ROBO1: variants seen among roughly 807,000 people sequenced by gnomAD.
ROBO1 encodes the protein roundabout guidance receptor 1.
ROBO1 carries 149 observed loss-of-function variants against 195.9 expected under a neutral mutation model. The ratio of observed to expected loss-of-function variants is 0.76; its 90% CI spans 0.67 to 0.87. The LOEUF is 0.87. ROBO1 is among the 40% of genes least tolerant of loss of function. The probability of loss-of-function intolerance (pLI) is 0.00; values close to 1 mark genes in which losing one functional copy is unlikely to be tolerated. For missense variants in ROBO1, 1,933 were observed against 2,068.3 expected, an observed-to-expected ratio of 0.93 and a Z score of 1.27; for synonymous variants, 816 against 733.2, an observed-to-expected ratio of 1.11 and a Z score of -1.82.
intron 21 of ROBO1, among the ~76,000 whole-genome samples, chr3:78,644,051 C>A (rs574245485): frequency 1.1e-3 from 165 of 152,080 alleles, no homozygotes; most frequent in African/African-American, 3.9e-3. Context: ...GCTTAAGGGG[C>A]AGACACAAGA....
intron 1 of ROBO1, among the ~76,000 whole-genome samples, chr3:79,644,460 T>G (rs993505481): frequency 6.6e-6 from 1 of 152,176 alleles, no homozygotes; most frequent in South Asian, 2.1e-4. Context: ...CTCACAATGA[T>G]GGCAGAAGGC....
At chr3:79,735,111 T>G (rs1005100715) in intron 1 of ROBO1, among the ~76,000 whole-genome samples, 3 of 152,240 alleles carry the variant, frequency 2.0e-5, no homozygotes, top group African/African-American at 7.2e-5. Flanking sequence ...GGCGGATGGA[T>G]CCATACCTTC....
At chr3:79,381,325 C>T (rs369473663) in intron 2 of ROBO1, among the ~76,000 whole-genome samples, 53 of 138,010 alleles carry the variant, frequency 3.8e-4, no homozygotes, top group African/African-American at 4.1e-4. Flanking sequence ...CCATTGCACT[C>T]CAGCCTGGAG....
At chr3:78,601,493 T>C (rs1417509113) in intron 29 of ROBO1, among the ~76,000 whole-genome samples, 1 of 152,184 alleles carries the variant, frequency 6.6e-6, no homozygotes, top group Admixed American at 6.5e-5. Context: ...CAGCTTCTCT[T>C]CATAACACTT....
At chr3:78,835,295 T>C (rs2032607788) in intron 4 of ROBO1, among the ~76,000 whole-genome samples, 1 of 152,124 alleles carries the variant, frequency 6.6e-6, no homozygotes, top group Non-Finnish European at 1.5e-5. Flanking sequence ...GGGCAATCAG[T>C]AGAAAAGTAA....
intron 1 of ROBO1, among the ~76,000 whole-genome samples, chr3:79,612,940 G>T (rs113218602): frequency 0.17 from 1,885 of 11,256 alleles, 36 homozygotes; most frequent in African/African-American, 0.34. Flanking sequence ...TCATCAAGGG[G>T]ATCAAAAATT....
At chr3:79,158,525 G>GAA (rs915280796) in intron 2 of ROBO1, among the ~76,000 whole-genome samples, 23 of 151,180 alleles carry the variant, frequency 1.5e-4, no homozygotes, top group African/African-American at 5.6e-4. Flanking sequence ...CCTACTCCAA[G>GAA]TTGTTAGCCA....
intron 3 of ROBO1, among the ~76,000 whole-genome samples, chr3:78,943,124 G>T (rs1455224877): frequency 1.3e-5 from 2 of 152,014 alleles, no homozygotes; most frequent in Admixed American, 6.6e-5. Context: ...GCTGAGGCAG[G>T]AGAATGGCGT....
chr3:78,611,356 T>C (rs1008446925), intron 28 of ROBO1, among the ~76,000 whole-genome samples: 28 of 152,108 alleles, frequency 1.8e-4, no homozygotes, highest in Non-Finnish European at 2.9e-4. Flanking sequence ...ATTAGAGAGG[T>C]TGAAGAGAGA....
chr3:79,499,930 C>T (rs993894250), intron 2 of ROBO1, among the ~76,000 whole-genome samples: 1 of 151,932 alleles, frequency 6.6e-6, no homozygotes, highest in African/African-American at 2.4e-5. Context: ...CCTCAGTCTC[C>T]CGAGTAGCTG....
At chr3:79,579,200 C>T (rs1943584396) in intron 2 of ROBO1, among the ~76,000 whole-genome samples, 2 of 152,100 alleles carry the variant, frequency 1.3e-5, no homozygotes, top group African/African-American at 4.8e-5. Context: ...TAGGAATACA[C>T]AAGTTGAGCT....
At chr3:79,034,088 A>G (rs2078341878) in intron 3 of ROBO1, among the ~76,000 whole-genome samples, 1 of 152,180 alleles carries the variant, frequency 6.6e-6, no homozygotes, top group African/African-American at 2.4e-5. Context: ...CCAAGAATGT[A>G]TTTTCAGTCA....
intron 1 of ROBO1, among the ~76,000 whole-genome samples, chr3:79,648,954 T>C (rs1301679312): frequency 2.6e-5 from 4 of 152,114 alleles, no homozygotes; most frequent in African/African-American, 4.8e-5. Context: ...GTCAACCTGG[T>C]ATTTTATATT....
intron 2 of ROBO1, among the ~76,000 whole-genome samples, chr3:79,496,472 T>C (rs976310759): frequency 7.2e-6 from 1 of 138,054 alleles, no homozygotes; most frequent in Non-Finnish European, 1.5e-5. Flanking sequence ...CAAGCTCCGC[T>C]TCCCGGGTTC....
rs139049787 is a variant in ROBO1 at position 78,717,286 on chromosome 3, C to A, written c.906G>T (p.Leu302=). The A allele has an allele frequency of 3.5e-5, 55 of 1,571,986 alleles. No homozygotes were observed. The East Asian group carries it at 1.2e-3, about 35-fold the overall frequency. Reference sequence around the variant, plus strand: ...ACTCTGATGTGTACCTGGATTTGGGCAGCTCTCCATCATCTTTCCTCCATC... The same window carrying A: ...ACTCTGATGTGTACCTGGATTTGGGAAGCTCTCCATCATCTTTCCTCCATC... ...TVRWRKDDGE[L]PKSRYEIRDD... is the part of the protein sequence containing the mutation. The change falls in exon 7 of 31, where the codon CTG becomes CTT. Residue 302 remains leucine (L), a synonymous_variant. Coordinates refer to ENST00000464233, the MANE Select transcript of ROBO1 (RefSeq NM_002941.4).
At chr3:79,444,088 G>A (rs2039153179) in intron 2 of ROBO1, among the ~76,000 whole-genome samples, 1 of 151,768 alleles carries the variant, frequency 6.6e-6, no homozygotes, top group Non-Finnish European at 1.5e-5. Flanking sequence ...TTATCACCTT[G>A]GAAGGAGTTT....
chr3:79,736,999 G>T (rs1322765273), intron 1 of ROBO1, among the ~76,000 whole-genome samples: 1 of 152,030 alleles, frequency 6.6e-6, no homozygotes, highest in Non-Finnish European at 1.5e-5. Flanking sequence ...TTTTTGTACT[G>T]GATGTATTGC....
chr3:79,395,344 G>A (rs28447161), intron 2 of ROBO1, among the ~76,000 whole-genome samples: 141 of 104,648 alleles, frequency 1.3e-3, no homozygotes, highest in Non-Finnish European at 2.1e-3. Flanking sequence ...AAAAAAAAAA[G>A]AAAGAAAGAA....
chr3:79,380,768 G>T (rs143468446), intron 2 of ROBO1, among the ~76,000 whole-genome samples: 3 of 152,172 alleles, frequency 2.0e-5, no homozygotes, highest in African/African-American at 4.8e-5. Context: ...GGCTGGCCTT[G>T]TGACTCACTC....
Sources: allele counts gnomAD v4.1 joint callset (sites outside exome capture counted in the v4.1 genomes callset), GRCh38; gene constraint gnomAD v4.1.1; transcripts MANE v1.5; gene names NCBI Gene and HGNC (gene_info 2026-07-23, HGNC 2026-07-21).